The following PIK3CB variants were observed in gnomAD, a reference collection of about 807,000 sequenced individuals.
The protein encoded by PIK3CB is phosphatidylinositol 4,5-bisphosphate 3-kinase catalytic subunit beta isoform.
In PIK3CB, 39 loss-of-function variants were observed where a neutral mutation model predicts 136.8. That is an observed-to-expected ratio of 0.29 (90% CI 0.22 to 0.37). The LOEUF is 0.37. PIK3CB is among the 10% of genes least tolerant of loss of function. PIK3CB has a pLI of 1.00. For missense variants in PIK3CB, 868 were observed against 1,275.4 expected (o/e 0.68, Z 4.87); for synonymous variants, 428 against 436.6 (o/e 0.98, Z 0.25).
intron 1 of PIK3CB, among the ~76,000 whole-genome samples, chr3:138,815,855 T>C (rs1933301961): frequency 6.6e-6 from 1 of 152,196 alleles, no homozygotes; most frequent in South Asian, 2.1e-4. Context: ...AAGGGATAAA[T>C]TGCATTCAAA....
chr3:138,655,042 A>G lies in PIK3CB; in HGVS notation c.*347T>C, dbSNP rs2043168396. On this transcript the variant is annotated 3_prime_UTR_variant, in exon 24 of 24. Coordinates refer to ENST00000674063, the MANE Select transcript of PIK3CB (RefSeq NM_006219.3). ...GGCTGAGTGACAATACTTGGTCACA[A>G]CATTGAAAAGAAGTATTTACACCAT... The G allele has an allele frequency of 1.2e-5, 3 of 250,700 alleles. No homozygotes were observed. The highest frequency in any genetic ancestry group is 2.3e-5 in the Non-Finnish European group (3 of 129,800). The allele number at this position is 250,700 out of a possible 1,614,324, so 15.5% of individuals were successfully genotyped here.
intron 18 of PIK3CB, among the ~76,000 whole-genome samples, chr3:138,683,134 C>T (rs2043814022): frequency 6.6e-6 from 1 of 152,152 alleles, no homozygotes; most frequent in Admixed American, 6.6e-5. Context: ...GGGTAAATCA[C>T]TTGAGCTCAG....
chr3:138,712,047 A>T (rs2044513953), intron 10 of PIK3CB, among the ~76,000 whole-genome samples, 161 bp downstream of exon 10: 1 of 152,030 alleles, frequency 6.6e-6, no homozygotes, highest in South Asian at 2.1e-4. Context: ...TAATTTTATG[A>T]TAATATTAAA....
At chr3:138,767,493 T>C (rs2045747609) in intron 2 of PIK3CB, among the ~76,000 whole-genome samples, 1 of 152,222 alleles carries the variant, frequency 6.6e-6, no homozygotes, top group South Asian at 2.1e-4. Context: ...CAGAAACATC[T>C]GTGGCCAGTG....
At chr3:138,667,177 C>A (rs976608931) in intron 19 of PIK3CB, among the ~76,000 whole-genome samples, 10 of 147,210 alleles carry the variant, frequency 6.8e-5, no homozygotes, top group South Asian at 6.6e-4. Flanking sequence ...CCACTGCACT[C>A]CAGCCTGGCG....
At chr3:138,815,805 C>T (rs530069405) in intron 1 of PIK3CB, among the ~76,000 whole-genome samples, 1 of 152,318 alleles carries the variant, frequency 6.6e-6, no homozygotes, top group East Asian at 1.9e-4. Context: ...TGGATTTTGA[C>T]ATCCACAGGG....
chr3:138,825,799 A>C (rs1933761113), intron 1 of PIK3CB: 2 of 931,786 alleles, frequency 2.1e-6, no homozygotes, highest in African/African-American at 3.2e-5. Context: ...AGTCAATGTT[A>C]CAACTGAAGC....
intron 1 of PIK3CB, among the ~76,000 whole-genome samples, chr3:138,829,257 A>AAAAAT (rs556084605): frequency 6.6e-6 from 1 of 152,102 alleles, no homozygotes; most frequent in Non-Finnish European, 1.5e-5. Flanking sequence ...TCTCTATTTT[A>AAAAAT]AAAATAAAAT....
intron 1 of PIK3CB, among the ~76,000 whole-genome samples, chr3:138,803,583 C>T (rs2108847548): frequency 6.6e-6 from 1 of 152,224 alleles, no homozygotes; most frequent in South Asian, 2.1e-4. Context: ...AGCACGTGGG[C>T]CAAGGGAAAA....
intron 2 of PIK3CB, among the ~76,000 whole-genome samples, chr3:138,795,546 G>C (rs1289255884): frequency 2.0e-5 from 3 of 152,054 alleles, no homozygotes; most frequent in Non-Finnish European, 4.4e-5. Flanking sequence ...CAGGGGAATA[G>C]CTTGAAAATG....
rs542580339 is a variant in PIK3CB, at chr3:138,765,975, C to T, written c.-16-6616G>A. Among the ~76,000 whole-genome samples, 333 of 143,236 alleles carry T rather than the reference C, an allele frequency of 2.3e-3. 1 individual carries two copies. Among genetic ancestry groups the T allele is most frequent in the Non-Finnish European group, 4.1e-3 (282 of 67,992 alleles). 94.0% of individuals were successfully genotyped at this position (143,236 alleles called of 152,430 possible). A position where few individuals can be genotyped will look rare whatever the true frequency, so the allele number is the denominator to read the frequency against. On this transcript the variant is annotated intron_variant, in intron 2 of 23. Transcript: ENST00000674063. ...ATTTCAGGTAGCCCATGTATCTTTCCTTAAAAGAATAAAGTAAAAAATATT... is the reference window on the plus strand; with the variant it reads ...ATTTCAGGTAGCCCATGTATCTTTCTTTAAAAGAATAAAGTAAAAAATATT...
Position 138,769,832 on chromosome 3 carries a change from C to T in PIK3CB, c.-16-10473G>A, listed in dbSNP as rs553237575. 1.8e-4 allele frequency among the ~76,000 whole-genome samples: 28 copies of T among 152,252 alleles called. 1 individual carries two copies. The South Asian group carries it at 5.2e-3, about 28-fold the overall frequency. ...AAACAGTTCAGCCTGAGAGAAGTGACTCAGAGTTTCAACTTGGAGGTATCT... is the reference window on the plus strand; with the variant it reads ...AAACAGTTCAGCCTGAGAGAAGTGATTCAGAGTTTCAACTTGGAGGTATCT... On this transcript the variant is annotated intron_variant, in intron 2 of 23. Coordinates refer to ENST00000674063, the MANE Select transcript of PIK3CB (RefSeq NM_006219.3).
intron 1 of PIK3CB, among the ~76,000 whole-genome samples, chr3:138,799,336 T>C: frequency 6.6e-6 from 1 of 151,776 alleles, no homozygotes; most frequent in East Asian, 1.9e-4. Flanking sequence ...TGCTACCACA[T>C]CTGGCTATTT....
chr3:138,802,492 A>G (rs1003864508), intron 1 of PIK3CB, among the ~76,000 whole-genome samples: 2 of 151,652 alleles, frequency 1.3e-5, no homozygotes, highest in Non-Finnish European at 2.9e-5. Flanking sequence ...TCTCATCTCT[A>G]TTGAGATATT....
At chr3:138,798,259 G>A (rs371115648) in intron 1 of PIK3CB, among the ~76,000 whole-genome samples, 9 of 152,090 alleles carry the variant, frequency 5.9e-5, no homozygotes, top group East Asian at 1.9e-4. Flanking sequence ...AGAACTCCCC[G>A]GCCTCGGGTG....
At chr3:138,802,238 G>A (rs1449817942) in intron 1 of PIK3CB, among the ~76,000 whole-genome samples, 1 of 151,230 alleles carries the variant, frequency 6.6e-6, no homozygotes, top group Non-Finnish European at 1.5e-5. Context: ...AAAAAATCCA[G>A]GCATGGTGGT....
chr3:138,827,825 C>CA (rs548007402), intron 1 of PIK3CB, among the ~76,000 whole-genome samples: 8,870 of 130,662 alleles, frequency 0.068, 707 homozygotes, highest in East Asian at 0.45. Flanking sequence ...TAAAAAAATA[C>CA]AAAAAAAAAA....
At chr3:138,704,339 CAT>C (rs780758805) in intron 12 of PIK3CB, 102 bp downstream of exon 12, 38 of 814,822 alleles carry the variant, frequency 4.7e-5, no homozygotes, top group Non-Finnish European at 6.8e-5. Context: ...ACTGTTCTTG[CAT>C]ATGAGTTACG....
intron 10 of PIK3CB, 159 bp from the exon 11 acceptor site, chr3:138,707,448 A>G: frequency 7.3e-7 from 1 of 1,362,494 alleles, no homozygotes. Flanking sequence ...TTTTCTGTTA[A>G]TGCTTGGAAC....
Sources: gnomAD v4.1 joint callset for allele counts (sites outside exome capture counted in the v4.1 genomes callset) on GRCh38, gnomAD v4.1.1 for gene constraint, MANE v1.5 for transcripts, NCBI Gene and HGNC (gene_info 2026-07-23, HGNC 2026-07-21) for gene names.